ADAM12: variants seen among roughly 807,000 people sequenced by gnomAD.
The protein encoded by ADAM12 is ADAM metallopeptidase domain 12, also known as disintegrin and metalloproteinase domain-containing protein 12.
ADAM12 carries 70 observed loss-of-function variants against 106.4 expected under a neutral mutation model. The ratio of observed to expected loss-of-function variants is 0.66; its 90% CI spans 0.54 to 0.80. The LOEUF (loss-of-function observed/expected upper bound fraction) is 0.80. Ranked by LOEUF, ADAM12 falls within the 30% of genes least tolerant of loss-of-function variation. The pLI is 0.00. For synonymous variants in ADAM12, 420 were observed against 433.5 expected, an observed-to-expected ratio of 0.97 and a Z score of 0.39; for missense variants, 1,010 against 1,171.9, an observed-to-expected ratio of 0.86 and a Z score of 2.02.
intron 3 of ADAM12, among the ~76,000 whole-genome samples, chr10:126,218,570 C>A (rs1958031965): frequency 6.6e-6 from 1 of 152,178 alleles, no homozygotes. Flanking sequence ...GATGGCAAAA[C>A]CTTCATTCTC....
At chr10:126,137,570 C>G (rs1280312376) in intron 4 of ADAM12, among the ~76,000 whole-genome samples, 1 of 152,208 alleles carries the variant, frequency 6.6e-6, no homozygotes. Context: ...TCTCTGGCAA[C>G]CATTAACCTG....
chr10:126,020,947 C>T (rs910923938), intron 21 of ADAM12, among the ~76,000 whole-genome samples: 18 of 142,886 alleles, frequency 1.3e-4, no homozygotes, highest in Admixed American at 2.9e-4. Flanking sequence ...GAGCTGAGAT[C>T]GTGCCACTGC....
chr10:126,149,276 C>T (rs901413063), intron 4 of ADAM12, among the ~76,000 whole-genome samples: 1 of 152,200 alleles, frequency 6.6e-6, no homozygotes, highest in Non-Finnish European at 1.5e-5. Flanking sequence ...TCCATCCGGG[C>T]TGTTTACTAA....
At chr10:126,083,761 GGT>G (rs1955281065) in intron 11 of ADAM12, among the ~76,000 whole-genome samples, 1 of 152,202 alleles carries the variant, frequency 6.6e-6, no homozygotes, top group Admixed American at 6.5e-5. Flanking sequence ...TCCTCCTCAT[GGT>G]GTGATGGGAG....
intron 11 of ADAM12, among the ~76,000 whole-genome samples, chr10:126,085,768 T>G (rs1955326985): frequency 6.6e-6 from 1 of 152,198 alleles, no homozygotes; most frequent in Non-Finnish European, 1.5e-5. Context: ...GCATCCATCA[T>G]CCAGCCACCC....
intron 3 of ADAM12, among the ~76,000 whole-genome samples, chr10:126,158,340 T>A (rs1240960900): frequency 7.4e-6 from 1 of 135,942 alleles, no homozygotes; most frequent in Admixed American, 7.5e-5. Context: ...GAGGGGAGGA[T>A]GCACAGAGCA....
chr10:126,319,800 C>CA (rs1165945036), intron 2 of ADAM12, among the ~76,000 whole-genome samples: 3 of 152,114 alleles, frequency 2.0e-5, no homozygotes, highest in African/African-American at 7.2e-5. Context: ...ACTATCTTTG[C>CA]AATTTTTTTA....
chr10:126,317,089 C>T (rs1234615625), intron 2 of ADAM12, among the ~76,000 whole-genome samples: 1 of 152,108 alleles, frequency 6.6e-6, no homozygotes, highest in African/African-American at 2.4e-5. Context: ...AACTATGTTG[C>T]CTCCATATAC....
intron 1 of ADAM12, among the ~76,000 whole-genome samples, chr10:126,367,319 A>C (rs1262482973): frequency 1.3e-5 from 2 of 151,964 alleles, no homozygotes; most frequent in Non-Finnish European, 2.9e-5. Flanking sequence ...ATAAGCCACG[A>C]GTCATAGAAA....
chr10:126,388,205 C>G lies in ADAM12; in HGVS notation c.-60G>C. ...CGGCGGCGAGCGCTGCACCATCCCA[C>G]GCGGGCGCCGAGCCGGGGCCGGGCG... On this transcript the variant is annotated 5_prime_UTR_variant, in exon 1 of 23. Transcript: ENST00000448723. This position sits in a 1 kb window ranked among gnomAD's most constrained non-coding sequence, Gnocchi z 4.4. The G allele has an allele frequency of 2.5e-6, 3 of 1,197,392 alleles. No individual in the cohort carries two copies. The highest frequency in any genetic ancestry group is 3.1e-6 in the Non-Finnish European group (3 of 965,618). 74.2% of individuals were successfully genotyped at this position (1,197,392 alleles called of 1,614,324 possible).
intron 2 of ADAM12, among the ~76,000 whole-genome samples, chr10:126,307,603 C>T (rs758738328): frequency 2.5e-4 from 38 of 152,212 alleles, no homozygotes; most frequent in Middle Eastern, 3.4e-3. Flanking sequence ...TGCAGTGGCG[C>T]GATCTCGGCT....
chr10:126,080,249 C>A (rs1223361352), intron 11 of ADAM12, among the ~76,000 whole-genome samples: 2 of 152,170 alleles, frequency 1.3e-5, no homozygotes, highest in African/African-American at 4.8e-5. Flanking sequence ...CAGGTAGTTG[C>A]TCATGACATC....
At chr10:126,364,149 T>TAAA (rs903669274) in intron 1 of ADAM12, among the ~76,000 whole-genome samples, 3 of 151,298 alleles carry the variant, frequency 2.0e-5, no homozygotes, top group Non-Finnish European at 4.4e-5. Flanking sequence ...CTTTTTTTTT[T>TAAA]AAAAAAATCT....
At chr10:126,278,510 A>T (rs935354814) in intron 3 of ADAM12, among the ~76,000 whole-genome samples, 1 of 152,078 alleles carries the variant, frequency 6.6e-6, no homozygotes, top group African/African-American at 2.4e-5. Flanking sequence ...GATAAAATAA[A>T]CTCTTGGTAT....
chr10:126,373,834 A>T (rs1856192812), intron 1 of ADAM12, among the ~76,000 whole-genome samples: 1 of 152,244 alleles, frequency 6.6e-6, no homozygotes, highest in Non-Finnish European at 1.5e-5. Context: ...TAGCCAGAGC[A>T]TCCACCCACT....
intron 21 of ADAM12, among the ~76,000 whole-genome samples, chr10:126,031,177 T>C (rs1452686749): frequency 6.6e-6 from 1 of 152,214 alleles, no homozygotes; most frequent in African/African-American, 2.4e-5. Context: ...GTTATTAGCC[T>C]GTGCTTTGTG....
intron 3 of ADAM12, among the ~76,000 whole-genome samples, chr10:126,194,101 G>A (rs1329130654): frequency 1.3e-5 from 2 of 151,740 alleles, no homozygotes; most frequent in African/African-American, 2.4e-5. Flanking sequence ...TTCAAGAAAC[G>A]CTCCAGGTGC....
chr10:126,319,308 G>A (rs927445520), intron 2 of ADAM12, among the ~76,000 whole-genome samples: 2 of 152,128 alleles, frequency 1.3e-5, no homozygotes, highest in South Asian at 4.1e-4. Flanking sequence ...GGGGGAAAAA[G>A]GAGCTTTGTA....
intron 2 of ADAM12, among the ~76,000 whole-genome samples, chr10:126,308,653 A>AT (rs1271114415): frequency 6.6e-6 from 1 of 152,268 alleles, no homozygotes; most frequent in East Asian, 1.9e-4. Context: ...TCAAATTGTG[A>AT]TTTTCTATTT....
Sources: allele counts gnomAD v4.1 joint callset (sites outside exome capture counted in the v4.1 genomes callset), GRCh38; gene constraint gnomAD v4.1.1; non-coding constraint Gnocchi (gnomAD v3.1); transcripts MANE v1.5; gene names NCBI Gene and HGNC (gene_info 2026-07-23, HGNC 2026-07-21).